MZT2A: variants seen among roughly 807,000 people sequenced by gnomAD.
MZT2A encodes mitotic spindle organizing protein 2A.
MZT2A carries 8 observed loss-of-function variants against 12.4 expected under a neutral mutation model. The observed-to-expected ratio is 0.64, with a 90% CI of 0.38 to 1.16. The LOEUF is 1.16. Among genes scored for constraint, MZT2A ranks in the 50% most tolerant of loss-of-function variants. The pLI, the probability that MZT2A is intolerant of heterozygous loss-of-function variation, is 0.01. For synonymous variants in MZT2A, 88 were observed against 107.5 expected, an observed-to-expected ratio of 0.82 and a Z score of 1.12; for missense variants, 181 against 223.6, an observed-to-expected ratio of 0.81 and a Z score of 1.22.
At chr2:131,493,211 C>T (rs545938200), upstream of MZT2A, 19 of 1,373,804 alleles carry the variant, frequency 1.4e-5, 1 homozygote, top group South Asian at 2.2e-4. Flanking sequence ...CTGCGGAGGC[C>T]ATCTCCGTTC....
rs150982175 is a variant in MZT2A at position 131,490,363 on chromosome 2, G to A, written c.319+1513C>T. 2.6e-4 allele frequency: 278 copies of A among 1,083,462 alleles called. 2 individuals are homozygous for A. In the African/African-American group the frequency reaches 3.7e-3, roughly 14 times the overall value. 67.1% of individuals were successfully genotyped at this position (1,083,462 alleles called of 1,614,324 possible). ...GGTAGGGGACAACTTCTAAGAGGCC[G>A]AGGCGTTTGTCACGCCTGGGGCTGT... On this transcript the variant is annotated intron_variant, in intron 2 of 2. Transcript: ENST00000309451.
At chr2:131,479,675 A>G (rs1189711832), downstream of MZT2A, among the ~76,000 whole-genome samples, 1 of 152,166 alleles carries the variant, frequency 6.6e-6, no homozygotes, top group Non-Finnish European at 1.5e-5. Flanking sequence ...CTCTATGTCT[A>G]CTAAAAATAC....
upstream of MZT2A, among the ~76,000 whole-genome samples, chr2:131,493,731 T>TTG (rs760746476): frequency 1.5e-4 from 23 of 151,848 alleles, no homozygotes; most frequent in Non-Finnish European, 2.9e-4. Flanking sequence ...AAAATAGGTG[T>TTG]TGGAGAGTCG....
At chr2:131,479,210 A>T (rs1228869304), downstream of MZT2A, 1 of 1,516,290 alleles carries the variant, frequency 6.6e-7, no homozygotes, top group Non-Finnish European at 8.9e-7. Context: ...ATGTACTTTG[A>T]ACAGCATGTG....
chr2:131,486,521 C>T (rs1291761473), intron 2 of MZT2A: 2 of 152,552 alleles, frequency 1.3e-5, no homozygotes, highest in Non-Finnish European at 2.9e-5. Context: ...TTGCCGCCAT[C>T]TGAGCTTCCT....
At chr2:131,484,260 C>A (rs767057387) in intron 2 of MZT2A, 42 bp from the exon 3 acceptor site, 1 of 1,598,658 alleles carries the variant, frequency 6.3e-7, no homozygotes, top group African/African-American at 1.3e-5. Flanking sequence ...TGGACGCGCC[C>A]CATAAATGCA....
chr2:131,490,573 T>C (rs1342310699), intron 2 of MZT2A: 14 of 1,524,706 alleles, frequency 9.2e-6, no homozygotes, highest in African/African-American at 5.5e-5. Context: ...AATAGTGCCC[T>C]GTGGCTAAGC....
chr2:131,479,452 A>T (rs748109018), downstream of MZT2A: 2 of 1,614,112 alleles, frequency 1.2e-6, no homozygotes, highest in Non-Finnish European at 1.7e-6. Flanking sequence ...CGGATCCGCA[A>T]ACTGGTAAGA....
At chr2:131,492,929 C>T, upstream of MZT2A, 1 of 1,523,256 alleles carries the variant, frequency 6.6e-7, no homozygotes, top group Non-Finnish European at 8.8e-7. Context: ...TCCCCCCGCA[C>T]TCCTGCCTCG....
downstream of MZT2A, among the ~76,000 whole-genome samples, chr2:131,481,226 T>C (rs938748556): frequency 2.6e-5 from 4 of 151,940 alleles, no homozygotes; most frequent in African/African-American, 9.7e-5. Context: ...TTGAACTCTC[T>C]GTCTGAGTCA....
intron 2 of MZT2A, among the ~76,000 whole-genome samples, chr2:131,475,627 G>A (rs1037171500): frequency 5.9e-5 from 9 of 152,142 alleles, no homozygotes; most frequent in South Asian, 2.1e-4. Context: ...CATCGCGCCC[G>A]GCCCGTTTTC....
downstream of MZT2A, among the ~76,000 whole-genome samples, chr2:131,483,710 G>T (rs1236343422): frequency 6.7e-6 from 1 of 149,620 alleles, no homozygotes; most frequent in African/African-American, 2.6e-5. Context: ...GCAAGACTCC[G>T]TTTCAGAAAA....
intron 2 of MZT2A, chr2:131,489,499 G>A (rs1679200280): frequency 6.6e-6 from 1 of 151,966 alleles, no homozygotes; most frequent in Non-Finnish European, 1.5e-5. Flanking sequence ...CAAGTAGCTG[G>A]GACTAAAGGC....
rs908985940 is a variant in MZT2A, at chr2:131,492,013, T to C, written c.182A>G (p.Asp61Gly). The part of the protein sequence containing the change: ...IDPDVFKILV[D>G]LLKLNVAPLA... The stretch of plus-strand genomic sequence containing the variant: ...GGGGGCCACGTTCAGCTTCAGCAGG[T>C]CCACCAGGATCCTGGCGGGGACAGA... Residue 61 changes from aspartate to glycine, a missense_variant, in exon 2 of 3, where the codon GAC (aspartate) becomes GGC (glycine). Physicochemically the swap from Asp to Gly is moderately conservative, Grantham distance 94. Transcript: ENST00000309451. 5.9e-6 allele frequency: 9 copies of C among 1,529,016 alleles called. No homozygotes were observed. In the African/African-American group the frequency reaches 1.2e-4, roughly 21 times the overall value. 94.7% of individuals were successfully genotyped at this position (1,529,016 alleles called of 1,614,324 possible). A position where few individuals can be genotyped will look rare whatever the true frequency, so the allele number is the denominator to read the frequency against.
At chr2:131,493,057 C>T, upstream of MZT2A, 3 of 1,490,252 alleles carry the variant, frequency 2.0e-6, no homozygotes, top group Non-Finnish European at 2.7e-6. Context: ...CGTGGCTCTG[C>T]GCGCAGCTTG....
At chr2:131,492,609 G>A (rs1480113111), upstream of MZT2A, 4 of 1,217,754 alleles carry the variant, frequency 3.3e-6, no homozygotes, top group South Asian at 7.6e-5. Flanking sequence ...GGACTGCAGG[G>A]GCCAGCTGCT....
At chr2:131,472,461 A>C (rs1276542872) in intron 2 of MZT2A, among the ~76,000 whole-genome samples, 1 of 152,224 alleles carries the variant, frequency 6.6e-6, no homozygotes, top group Non-Finnish European at 1.5e-5. Context: ...GTTTGTTGCT[A>C]ATTTTCTACA....
intron 2 of MZT2A, chr2:131,476,119 A>C (rs1573855064): frequency 2.5e-6 from 4 of 1,609,418 alleles, no homozygotes; most frequent in East Asian, 2.2e-5. Flanking sequence ...CACAGGCAGG[A>C]GGTTGCAGTT....
chr2:131,489,054 C>T (rs1237211739), intron 2 of MZT2A, among the ~76,000 whole-genome samples: 1 of 152,154 alleles, frequency 6.6e-6, no homozygotes, highest in African/African-American at 2.4e-5. Context: ...AGCGCTCTGC[C>T]TCTCCCATGC....
Sources: gnomAD v4.1 joint callset for allele counts (sites outside exome capture counted in the v4.1 genomes callset) on GRCh38, gnomAD v4.1.1 for gene constraint, MANE v1.5 for transcripts, NCBI Gene and HGNC (gene_info 2026-07-23, HGNC 2026-07-21) for gene names.